Variants in KHSRP observed in about 807,000 individuals in gnomAD.
KHSRP encodes the protein KH-type splicing regulatory protein.
KHSRP carries 13 observed loss-of-function variants against 94.9 expected under a neutral mutation model. The observed-to-expected ratio is 0.14, with a 90% confidence interval of 0.09 to 0.22. The LOEUF (loss-of-function observed/expected upper bound fraction) is 0.22. Among genes scored for constraint, KHSRP ranks in the 10% least tolerant of loss-of-function variants. The pLI is 1.00. For synonymous variants in KHSRP, 495 were observed against 401.4 expected (o/e 1.23, Z -2.79); for missense variants, 710 against 1,010.0 (o/e 0.70, Z 4.03).
rs781307047 is a variant in KHSRP, at chr19:6,420,162, G to A, written c.476-18C>T. 2 of 1,607,286 alleles carry A rather than the reference G, an allele frequency of 1.2e-6. No individual in the cohort carries two copies. Among genetic ancestry groups the A allele is most frequent in the Non-Finnish European group, 1.7e-6 (2 of 1,174,990 alleles). Reference sequence around the variant, plus strand: ...GCCAATGACTGGATGGAGAAAGAAGGAGAAAAGCAAAGCGTGATGAGGGAA... The same window carrying A: ...GCCAATGACTGGATGGAGAAAGAAGAAGAAAAGCAAAGCGTGATGAGGGAA... On this transcript the variant is annotated intron_variant, in intron 5 of 18. Transcript: ENST00000600480.
In KHSRP at chr19:6,413,936, G is replaced by C; in HGVS notation, c.*1088C>G. On this transcript the variant is annotated 3_prime_UTR_variant, in exon 19 of 19. Transcript: ENST00000600480. ...AGCATGTGAGACACAGAACAGGCGA[G>C]AGAGTGAGGGCCCGGCATGCCCCCA... is the stretch of plus-strand genomic sequence containing the variant. 3 of 756,074 alleles carry C rather than the reference G, an allele frequency of 4.0e-6. No individual in the cohort carries two copies. Among genetic ancestry groups the C allele is most frequent in the Non-Finnish European group, 6.0e-6 (3 of 496,452 alleles). The allele number at this position is 756,074 out of a possible 1,614,324, so 46.8% of individuals were successfully genotyped here. A position where few individuals can be genotyped will look rare whatever the true frequency, so the allele number is the denominator to read the frequency against.
chr19:6,424,667 C>G lies in KHSRP; in HGVS notation c.35G>C (p.Gly12Ala). 2.0e-6 allele frequency: 2 copies of G among 1,024,800 alleles called. No homozygotes were observed. The highest frequency in any genetic ancestry group is 4.5e-5 in the South Asian group (1 of 22,408). 63.5% of individuals were successfully genotyped at this position (1,024,800 alleles called of 1,614,324 possible). Reference sequence around the variant, plus strand: ...GCCCCCGCCGGCGGGCGGCGGCGGCCCGGGCGGGGGTCCTCCCGTGCTGTA... The same window carrying G: ...GCCCCCGCCGGCGGGCGGCGGCGGCGCGGGCGGGGGTCCTCCCGTGCTGTA... ...SDYSTGGPPP[G>A]PPPPAGGGGG... is the part of the protein sequence containing the mutation. Residue 12 changes from glycine (G) to alanine (A), a missense_variant, in exon 1 of 19, where the codon GGG becomes GCG. Gly to Ala is a moderately conservative substitution (Grantham distance 60). Transcript: ENST00000600480.
intron 1 of KHSRP, among the ~76,000 whole-genome samples, chr19:6,423,039 G>A (rs1437811058): frequency 6.6e-6 from 1 of 152,186 alleles, no homozygotes; most frequent in Non-Finnish European, 1.5e-5. Context: ...CAGCATTTTG[G>A]GAGGCCGAGG....
chr19:6,415,296 C>T lies in KHSRP; in HGVS notation c.1972G>A (p.Val658Met). 1 of 1,613,376 alleles carries T rather than the reference C, an allele frequency of 6.2e-7. No homozygotes were observed. The highest frequency in any genetic ancestry group is 8.5e-7 in the Non-Finnish European group (1 of 1,179,838). ...WEEYYKKQAQ[V>M]ATGGGPGAPP... Reference sequence around the variant, plus strand: ...GCTCCTGGACCCCCTCCGGTGGCCACTTGCGCTGTGGGTGGACAAAGGCAG... The same window carrying T: ...GCTCCTGGACCCCCTCCGGTGGCCATTTGCGCTGTGGGTGGACAAAGGCAG... Residue 658 changes from valine to methionine, a missense_variant, in exon 19 of 19, where the codon GTG (valine) becomes ATG (methionine). Around this residue, in one of 5 missense-constraint regions of KHSRP, gnomAD observed 292 missense variants for 340.5 expected, o/e 0.86. Transcript: ENST00000600480.
At position 6,416,664 on chromosome 19, in the gene KHSRP, G is replaced by T; in HGVS notation, c.1328-14C>A. 6.2e-7 allele frequency: 1 copy of T among 1,613,802 alleles called. No individual in the cohort carries two copies. The highest frequency in any genetic ancestry group is 8.5e-7 in the Non-Finnish European group (1 of 1,179,764). On this transcript the variant is annotated splice_polypyrimidine_tract_variant and intron_variant, in intron 13 of 18. Transcript: ENST00000600480. ...CATTCTCGCCACCTGCAGAAACGCA[G>T]AAGGTGAAGGTGGCCTGCAGTGATG...
Position 6,414,580 on chromosome 19 carries a change from G to A in KHSRP, c.*444C>T, listed in dbSNP as rs140733335. 80 of 1,015,832 alleles carry A rather than the reference G, an allele frequency of 7.9e-5. No homozygotes were observed. The East Asian group carries it at 2.3e-3, about 29-fold the overall frequency. The allele number at this position is 1,015,832 out of a possible 1,614,324, so 62.9% of individuals were successfully genotyped here. ...CGCGAGCGCATGGGAGGCTGAGCCC[G>A]GCGGGGCAGGGGCCTGGGCCGCTCC... On this transcript the variant is annotated 3_prime_UTR_variant, in exon 19 of 19. Coordinates refer to ENST00000600480, the MANE Select transcript of KHSRP (RefSeq NM_001366299.1).
At chr19:6,419,702 G>A (rs1001167481) in intron 6 of KHSRP, among the ~76,000 whole-genome samples, 12 of 152,196 alleles carry the variant, frequency 7.9e-5, no homozygotes, top group African/African-American at 2.9e-4. Context: ...TTGCTCCTGG[G>A]CCTGACCTCA....
Position 6,424,433 on chromosome 19 carries a change from C to G in KHSRP, c.249+20G>C. ...TGCGCGCGCGCGCGAGCGCGCCCCT[C>G]AGGCCCTCGGCCTCCTCACCTGGCG... is the stretch of plus-strand genomic sequence containing the variant. On this transcript the variant is annotated intron_variant, in intron 1 of 18. Coordinates refer to ENST00000600480, the MANE Select transcript of KHSRP (RefSeq NM_001366299.1). 1.0e-6 allele frequency: 1 copy of G among 989,700 alleles called. No homozygotes were observed. The highest frequency in any genetic ancestry group is 1.2e-6 in the Non-Finnish European group (1 of 833,892). 61.3% of individuals were successfully genotyped at this position (989,700 alleles called of 1,614,324 possible). A position where few individuals can be genotyped will look rare whatever the true frequency, so the allele number is the denominator to read the frequency against.
At chr19:6,420,034 CCTGGCCCCCACT>C (rs1441961244) in intron 6 of KHSRP, 27 bp downstream of exon 6, 4 of 1,496,038 alleles carry the variant, frequency 2.7e-6, no homozygotes, top group Non-Finnish European at 3.7e-6. Context: ...AGGGCCCAAC[CCTGGCCCCCACT>C]CTGGCAGGAA....
rs536862392 is a variant in KHSRP at position 6,424,307 on chromosome 19, C to G, written c.249+146G>C. The G allele has an allele frequency of 1.8e-3, 379 of 206,360 alleles. 2 individuals carry two copies. The highest frequency in any genetic ancestry group is 8.7e-3 in the African/African-American group (366 of 42,278). The allele number at this position is 206,360 out of a possible 1,614,324, so 12.8% of individuals were successfully genotyped here. A position where few individuals can be genotyped will look rare whatever the true frequency, so the allele number is the denominator to read the frequency against. Reference sequence around the variant, plus strand: ...TCCCACTCGAGGCGCAGCGGGAGGGCCAGGCCCCCGCCTACCGCCCACGTG... The same window carrying G: ...TCCCACTCGAGGCGCAGCGGGAGGGGCAGGCCCCCGCCTACCGCCCACGTG... On this transcript the variant is annotated intron_variant, in intron 1 of 18. Transcript: ENST00000600480.
At chr19:6,421,717 G>A (rs1568345105) in intron 2 of KHSRP, 29 bp from the exon 3 acceptor site, 2 of 1,613,662 alleles carry the variant, frequency 1.2e-6, no homozygotes, top group East Asian at 4.5e-5. Context: ...GGCAGATGCA[G>A]CACCCACCCA....
chr19:6,421,358 T>A (rs2092194012), intron 3 of KHSRP, 41 bp from the exon 4 acceptor site: 1 of 1,565,406 alleles, frequency 6.4e-7, no homozygotes, highest in Non-Finnish European at 8.7e-7. Flanking sequence ...GCTTAGCTCC[T>A]CCTCGGGCAC....
At chr19:6,415,784 T>G (rs8103311) in intron 16 of KHSRP, 24 bp downstream of exon 16, 216 of 1,555,228 alleles carry the variant, frequency 1.4e-4, no homozygotes, top group Middle Eastern at 1.7e-4. Context: ...GGGCCTGCCC[T>G]CCGCCAGGTG....
intron 2 of KHSRP, among the ~76,000 whole-genome samples, chr19:6,421,951 C>T (rs1203145331): frequency 1.3e-5 from 2 of 152,174 alleles, no homozygotes; most frequent in African/African-American, 2.4e-5. Context: ...ACAGGACCTG[C>T]CTCTAGCAGG....
At position 6,418,375 on chromosome 19, in the gene KHSRP, C is replaced by T. The variant is rs754855627; in HGVS notation, c.879+108G>A. On this transcript the variant is annotated intron_variant, in intron 9 of 18. Coordinates refer to ENST00000600480, the MANE Select transcript of KHSRP (RefSeq NM_001366299.1). This position sits in a 1 kb window ranked among gnomAD's most constrained non-coding sequence, Gnocchi z 4.3. ...CTTGCAAGCCTCTTGGTGTTATGAC[C>T]GACTGTTCACATATCTCTCTGGCGG... The T allele has an allele frequency of 3.2e-5, 26 of 804,376 alleles. 1 individual carries two copies. Among genetic ancestry groups the T allele is most frequent in the Non-Finnish European group, 4.1e-5 (20 of 482,916 alleles). 49.8% of individuals were successfully genotyped at this position (804,376 alleles called of 1,614,324 possible). A position where few individuals can be genotyped will look rare whatever the true frequency, so the allele number is the denominator to read the frequency against.
intron 3 of KHSRP, 73 bp from the exon 4 acceptor site, chr19:6,421,390 C>T: frequency 6.7e-7 from 1 of 1,482,184 alleles, no homozygotes; most frequent in Non-Finnish European, 9.2e-7. Context: ...TGCCCCGGGT[C>T]AGTGGGAGCT....
Position 6,418,398 on chromosome 19 carries a change from C to T in KHSRP, c.879+85G>A, listed in dbSNP as rs939489378. The T allele has an allele frequency of 2.3e-5, 22 of 943,920 alleles. No homozygotes were observed. Among genetic ancestry groups the T allele is most frequent in the Admixed American group, 1.8e-4 (9 of 48,750 alleles). 58.5% of individuals were successfully genotyped at this position (943,920 alleles called of 1,614,324 possible). On this transcript the variant is annotated intron_variant, in intron 9 of 18. Transcript: ENST00000600480. The surrounding 1 kb of genome is among the most constrained non-coding windows in gnomAD (Gnocchi z 4.3). The stretch of plus-strand genomic sequence containing the variant: ...ACCGACTGTTCACATATCTCTCTGG[C>T]GGAATGCAGACCCCGAGACCGCTGG...
Position 6,416,630 on chromosome 19 carries a change from T to C in KHSRP, c.1348A>G (p.Ile450Val), listed in dbSNP as rs762252441. ...IGRGGENVKA[I>V]NQQTGAFVEI... Reference sequence around the variant, plus strand: ...ACGAAGGCTCCCGTCTGCTGGTTTATGGCTTTCACATTCTCGCCACCTGCA... The same window carrying C: ...ACGAAGGCTCCCGTCTGCTGGTTTACGGCTTTCACATTCTCGCCACCTGCA... The change falls in exon 14 of 19, where the codon ATA becomes GTA. Residue 450 changes from isoleucine to valine, a missense_variant. By Grantham distance (29) the Ile-to-Val change is conservative. Coordinates refer to ENST00000600480, the MANE Select transcript of KHSRP (RefSeq NM_001366299.1). 5 of 1,613,810 alleles carry C rather than the reference T, an allele frequency of 3.1e-6. No individual in the cohort carries two copies. In the African/African-American group the frequency reaches 6.7e-5, roughly 22 times the overall value.
rs561758223 is a variant in KHSRP, at chr19:6,414,732, A to G, written c.*292T>C. The G allele has an allele frequency of 8.5e-6, 9 of 1,057,160 alleles. 1 individual carries two copies. In the South Asian group the frequency reaches 3.6e-4, roughly 43 times the overall value. 65.5% of individuals were successfully genotyped at this position (1,057,160 alleles called of 1,614,324 possible). ...AACAAAAACCAAAAAAGTGATGCAG[A>G]GAAGGGGAAAAAATAGACGTTTTCT... On this transcript the variant is annotated 3_prime_UTR_variant, in exon 19 of 19. Coordinates refer to ENST00000600480, the MANE Select transcript of KHSRP (RefSeq NM_001366299.1).
Sources: gnomAD v4.1 joint callset for allele counts (sites outside exome capture counted in the v4.1 genomes callset) on GRCh38, gnomAD v4.1.1 for gene constraint, gnomAD v4.1.1 regional missense constraint, Gnocchi (gnomAD v3.1) non-coding constraint, MANE v1.5 for transcripts, NCBI Gene and HGNC (gene_info 2026-07-23, HGNC 2026-07-21) for gene names.